The following LARGE1 variants were observed in gnomAD, a reference collection of about 807,000 sequenced individuals.
The protein encoded by LARGE1 is xylosyl- and glucuronyltransferase LARGE1.
LARGE1 carries 43 observed loss-of-function variants against 87.6 expected under a neutral mutation model. That is an observed-to-expected ratio of 0.49 (90% CI 0.38 to 0.63). The LOEUF (loss-of-function observed/expected upper bound fraction) is 0.63. Among genes scored for constraint, LARGE1 ranks in the 30% least tolerant of loss-of-function variants. The pLI is 0.00. For synonymous variants in LARGE1, 434 were observed against 394.6 expected (o/e 1.10, Z -1.18); for missense variants, 802 against 1,000.2 (o/e 0.80, Z 2.67).
At position 33,203,091 on chromosome 22, in the gene LARGE1, CTCTCTCTCTCTG is replaced by C. The variant is rs1284195589; in HGVS notation, c.1731-36271_1731-36260del. Among the ~76,000 whole-genome samples the C allele has an allele frequency of 5.5e-3, 765 of 139,264 alleles. 4 individuals are homozygous for C. Among genetic ancestry groups the C allele is most frequent in the African/African-American group, 0.019 (724 of 37,730 alleles). 91.4% of individuals were successfully genotyped at this position (139,264 alleles called of 152,430 possible). On this transcript the variant is annotated intron_variant, in intron 11 of 11. Coordinates refer to the LARGE1 transcript ENST00000608642. ...ACTCTCTCTCTCTCTCTCTCTCTCTCTCTCTCTCTCTGTGTGTGTGTGTGTGTGTGTGTGCAA... is the reference window on the plus strand; with the variant it reads ...ACTCTCTCTCTCTCTCTCTCTCTCTCTGTGTGTGTGTGTGTGTGTGTGCAA...
At chr22:33,761,632 T>C in intron 1 of LARGE1, 74 bp from the exon 2 acceptor site, 1 of 694,708 alleles carries the variant, frequency 1.4e-6, no homozygotes. Flanking sequence ...AAGAGAAATA[T>C]CTCATAGATC....
intron 6 of LARGE1, among the ~76,000 whole-genome samples, chr22:33,541,071 GGGGCGGGTTGCA>G (rs2077187353): frequency 9.8e-6 from 1 of 102,408 alleles, no homozygotes; most frequent in Non-Finnish European, 2.0e-5. Context: ...GGGGGGGCGG[GGGGCGGGTTGCA>G]GGGGGAGAAT....
chr22:33,446,570 C>T (rs2067693438), intron 6 of LARGE1, among the ~76,000 whole-genome samples: 1 of 152,134 alleles, frequency 6.6e-6, no homozygotes, highest in South Asian at 2.1e-4. Flanking sequence ...CTGATCATTG[C>T]TTTGTATCAG....
intron 1 of LARGE1, among the ~76,000 whole-genome samples, chr22:33,874,215 G>A (rs1415300475): frequency 6.6e-6 from 1 of 152,170 alleles, no homozygotes; most frequent in African/African-American, 2.4e-5. Flanking sequence ...AAGACATGCT[G>A]AGGTTAGAGG....
intron 9 of LARGE1, among the ~76,000 whole-genome samples, chr22:33,366,669 TTC>T (rs1040812075): frequency 2.6e-5 from 4 of 152,352 alleles, no homozygotes; most frequent in African/African-American, 9.6e-5. Context: ...GTGACTTTGC[TTC>T]TCTTTCGTCT....
chr22:33,208,221 T>G (rs754709824), intron 11 of LARGE1, among the ~76,000 whole-genome samples: 1 of 152,164 alleles, frequency 6.6e-6, no homozygotes. Context: ...ATTTTAGAAT[T>G]GGAAGGCCAA....
intron 11 of LARGE1, among the ~76,000 whole-genome samples, chr22:33,175,095 C>A (rs986820845): frequency 6.6e-6 from 1 of 152,128 alleles, no homozygotes; most frequent in Admixed American, 6.6e-5. Flanking sequence ...AAAATACTGG[C>A]AAACCGAATC....
the LARGE1 span, among the ~76,000 whole-genome samples, chr22:33,085,369 C>T: frequency 2.6e-5 from 4 of 152,232 alleles, no homozygotes; most frequent in Non-Finnish European, 4.4e-5. Context: ...AATATCAAAG[C>T]ATCATTTTCA....
the LARGE1 span, among the ~76,000 whole-genome samples, chr22:33,088,412 G>A: frequency 6.6e-6 from 1 of 152,044 alleles, no homozygotes; most frequent in Non-Finnish European, 1.5e-5. Flanking sequence ...TTGCTGTGAG[G>A]ATCAAATAAA....
intron 5 of LARGE1, among the ~76,000 whole-genome samples, chr22:33,576,721 G>A (rs2078363549): frequency 6.6e-6 from 1 of 152,090 alleles, no homozygotes; most frequent in South Asian, 2.1e-4. Flanking sequence ...AAATCCTCAG[G>A]TGCACAAGTC....
intron 1 of LARGE1, among the ~76,000 whole-genome samples, chr22:33,913,282 A>G (rs1244673460): frequency 1.3e-5 from 2 of 152,240 alleles, no homozygotes; most frequent in African/African-American, 4.8e-5. Context: ...TGTTCTTGAT[A>G]TATTCTTAGA....
chr22:33,683,893 C>A (rs1412407554), intron 2 of LARGE1, among the ~76,000 whole-genome samples: 2 of 152,088 alleles, frequency 1.3e-5, no homozygotes, highest in Non-Finnish European at 2.9e-5. Flanking sequence ...TAGAATGGAG[C>A]TGGGGGTTTA....
intron 6 of LARGE1, among the ~76,000 whole-genome samples, chr22:33,515,958 C>G (rs772839298): frequency 5.9e-5 from 9 of 152,196 alleles, no homozygotes; most frequent in Non-Finnish European, 1.2e-4. Context: ...GCCAGCTTCA[C>G]AGAGTCCGGG....
chr22:33,112,055 G>C, the LARGE1 span, among the ~76,000 whole-genome samples: 1 of 152,212 alleles, frequency 6.6e-6, no homozygotes, highest in African/African-American at 2.4e-5. Flanking sequence ...CCAAGAGAAG[G>C]GAGGAGCCAT....
At chr22:33,738,185 T>C (rs1011755817) in intron 2 of LARGE1, among the ~76,000 whole-genome samples, 20 of 152,158 alleles carry the variant, frequency 1.3e-4, no homozygotes, top group African/African-American at 4.3e-4. Context: ...AGTAAGAAGA[T>C]TGCTCGTGGA....
chr22:33,108,031 TA>T, the LARGE1 span, among the ~76,000 whole-genome samples: 2 of 152,164 alleles, frequency 1.3e-5, no homozygotes. Context: ...GAATAAAATG[TA>T]CTATATTATA....
At chr22:33,357,556 AG>A (rs1352906544) in intron 9 of LARGE1, among the ~76,000 whole-genome samples, 1 of 152,052 alleles carries the variant, frequency 6.6e-6, no homozygotes, top group Non-Finnish European at 1.5e-5. Context: ...GCACTTTGGG[AG>A]GCTGAGTCAG....
chr22:33,537,779 G>T (rs916333193), intron 6 of LARGE1, among the ~76,000 whole-genome samples: 1 of 152,020 alleles, frequency 6.6e-6, no homozygotes, highest in Admixed American at 6.5e-5. Flanking sequence ...CACTATACTG[G>T]CCAGGCTGGT....
chr22:33,810,030 G>GA (rs1261738721), intron 1 of LARGE1, among the ~76,000 whole-genome samples: 1 of 151,942 alleles, frequency 6.6e-6, no homozygotes, highest in African/African-American at 2.4e-5. Flanking sequence ...GGAGAGCACA[G>GA]AAAAAAAACT....
Sources: allele counts gnomAD v4.1 joint callset (sites outside exome capture counted in the v4.1 genomes callset), GRCh38; gene constraint gnomAD v4.1.1; transcripts MANE v1.5; gene names NCBI Gene and HGNC (gene_info 2026-07-23, HGNC 2026-07-21).